CYSLTR2: variants seen among roughly 807,000 people sequenced by gnomAD.
CYSLTR2 encodes cysteinyl leukotriene receptor 2.
For synonymous variants in CYSLTR2, 179 were observed against 160.8 expected, an observed-to-expected ratio of 1.11 and a Z score of -0.86; for missense variants, 398 against 411.9, an observed-to-expected ratio of 0.97 and a Z score of 0.29.
In CYSLTR2 at chr13:48,710,648, G is replaced by A. The variant is rs1250875571; in HGVS notation, c.*2790G>A. 6.6e-6 allele frequency: 1 copy of A among 152,232 alleles called. No individual in the cohort carries two copies. Among genetic ancestry groups the A allele is most frequent in the Non-Finnish European group, 1.5e-5 (1 of 68,036 alleles). The allele number at this position is 152,232 out of a possible 1,614,324, so 9.4% of individuals were successfully genotyped here. A position where few individuals can be genotyped will look rare whatever the true frequency, so the allele number is the denominator to read the frequency against. On this transcript the variant is annotated 3_prime_UTR_variant, in exon 5 of 5. Transcript: ENST00000682523. Reference sequence around the variant, plus strand: ...CTGTAAAATTGTGAAGAAGGCAAAAGAAATTTGTGCTAGTTTTGCTGTTGC... The same window carrying A: ...CTGTAAAATTGTGAAGAAGGCAAAAAAAATTTGTGCTAGTTTTGCTGTTGC...
In CYSLTR2 at chr13:48,709,638, T is replaced by A. The variant is rs1411175526; in HGVS notation, c.*1780T>A. 6.6e-6 allele frequency: 1 copy of A among 152,140 alleles called. No individual in the cohort carries two copies. The highest frequency in any genetic ancestry group is 2.4e-5 in the African/African-American group (1 of 41,438). 9.4% of individuals were successfully genotyped at this position (152,140 alleles called of 1,614,324 possible). A position where few individuals can be genotyped will look rare whatever the true frequency, so the allele number is the denominator to read the frequency against. ...CCTCATTCTTAATTATGAAAAGTAG[T>A]CAATGAACACAATACATTTGAGGGA... On this transcript the variant is annotated 3_prime_UTR_variant, in exon 5 of 5. Transcript: ENST00000682523.
intron 1 of CYSLTR2, among the ~76,000 whole-genome samples, chr13:48,672,639 A>G (rs1953471120): frequency 3.1e-5 from 3 of 96,864 alleles, no homozygotes; most frequent in Non-Finnish European, 7.1e-5. Flanking sequence ...TTTTTTTGAG[A>G]CAGAATCTTG....
At chr13:48,702,373 C>T (rs929018177) in intron 4 of CYSLTR2, among the ~76,000 whole-genome samples, 150 of 152,146 alleles carry the variant, frequency 9.9e-4, no homozygotes, top group African/African-American at 3.5e-3. Context: ...CAAAACTGCA[C>T]GTTGTGCACA....
rs376869071 is a variant in CYSLTR2, at chr13:48,658,076, T to A, written c.-266+4059T>A. Reference sequence around the variant, plus strand: ...TCCTTTGTAAATTCACTGAGAGATATGAAGGTGACTCCCTTTTAGTTGTAA... The same window carrying A: ...TCCTTTGTAAATTCACTGAGAGATAAGAAGGTGACTCCCTTTTAGTTGTAA... On this transcript the variant is annotated intron_variant, in intron 1 of 4. Coordinates refer to ENST00000682523, the MANE Select transcript of CYSLTR2 (RefSeq NM_001308476.3). Among the ~76,000 whole-genome samples, 33 of 152,286 alleles carry A rather than the reference T, an allele frequency of 2.2e-4. No homozygotes were observed. The East Asian group carries it at 5.0e-3, about 23-fold the overall frequency.
Position 48,700,665 on chromosome 13 carries a change from A to C in CYSLTR2, c.-2+4039A>C, listed in dbSNP as rs1954317000. On this transcript the variant is annotated intron_variant, in intron 4 of 4. Coordinates refer to ENST00000682523, the MANE Select transcript of CYSLTR2 (RefSeq NM_001308476.3). Reference sequence around the variant, plus strand: ...CAACATAGTGTTGGACGTTCTGGCCAGGGCAATCAGGCAAGAGAAAGAAAT... The same window carrying C: ...CAACATAGTGTTGGACGTTCTGGCCCGGGCAATCAGGCAAGAGAAAGAAAT... Among the ~76,000 whole-genome samples, 3 of 152,350 alleles carry C rather than the reference A, an allele frequency of 2.0e-5. No homozygotes were observed. In the East Asian group the frequency reaches 5.8e-4, roughly 29 times the overall value.
At chr13:48,666,529 C>G (rs1953265469) in intron 1 of CYSLTR2, among the ~76,000 whole-genome samples, 2 of 152,242 alleles carry the variant, frequency 1.3e-5, no homozygotes, top group South Asian at 4.1e-4. Context: ...CTGAAACACC[C>G]ATAATATGAG....
At chr13:48,690,812 T>C (rs1954019022) in intron 1 of CYSLTR2, among the ~76,000 whole-genome samples, 1 of 152,200 alleles carries the variant, frequency 6.6e-6, no homozygotes, top group Non-Finnish European at 1.5e-5. Flanking sequence ...TTGTTTGGAA[T>C]AGATTCAGAA....
chr13:48,673,433 C>CTTTTTT lies in CYSLTR2; in HGVS notation c.-265-17759_-265-17754dup, dbSNP rs61699943. 1.9e-3 allele frequency among the ~76,000 whole-genome samples: 91 copies of CTTTTTT among 48,324 alleles called. 1 individual carries two copies. Among genetic ancestry groups the CTTTTTT allele is most frequent in the East Asian group, 4.2e-3 (5 of 1,178 alleles). The allele number at this position is 48,324 out of a possible 152,430, so 31.7% of individuals were successfully genotyped here. ...TCAGAGACTAGGATTGTAACCCCGG[C>CTTTTTT]TTTTTTTTTTTTTTTTTTTTTTTTT... On this transcript the variant is annotated intron_variant, in intron 1 of 4. Coordinates refer to ENST00000682523, the MANE Select transcript of CYSLTR2 (RefSeq NM_001308476.3).
intron 1 of CYSLTR2, among the ~76,000 whole-genome samples, chr13:48,657,790 C>T (rs779881150): frequency 6.6e-6 from 1 of 150,686 alleles, no homozygotes; most frequent in Non-Finnish European, 1.5e-5. Context: ...ATCCTAGATT[C>T]TTTTTTCTCT....
intron 1 of CYSLTR2, among the ~76,000 whole-genome samples, chr13:48,672,589 TTGAG>T (rs145851946): frequency 0.089 from 12,026 of 135,362 alleles, 407 homozygotes; most frequent in East Asian, 0.13. Flanking sequence ...TTGTGTGGTT[TTGAG>T]TGAGTTTCTT....
intron 4 of CYSLTR2, among the ~76,000 whole-genome samples, chr13:48,697,987 G>GA: frequency 6.6e-6 from 1 of 152,078 alleles, no homozygotes. Flanking sequence ...AAAAAGAAAT[G>GA]AAAAAAGCCT....
chr13:48,689,558 GT>G (rs1231388465), intron 1 of CYSLTR2, among the ~76,000 whole-genome samples: 1 of 152,090 alleles, frequency 6.6e-6, no homozygotes, highest in African/African-American at 2.4e-5. Context: ...AGATCAGATG[GT>G]TGTAGATGTG....
chr13:48,672,094 C>T (rs566310030), intron 1 of CYSLTR2, among the ~76,000 whole-genome samples: 14 of 152,078 alleles, frequency 9.2e-5, no homozygotes, highest in South Asian at 4.1e-4. Flanking sequence ...CATTCTCTGA[C>T]GGTAGTTTGT....
At chr13:48,675,214 G>A (rs1953561154) in intron 1 of CYSLTR2, among the ~76,000 whole-genome samples, 3 of 152,206 alleles carry the variant, frequency 2.0e-5, no homozygotes, top group Admixed American at 2.0e-4. Flanking sequence ...AGGCAGGAAC[G>A]TTTAAGTCTG....
intron 3 of CYSLTR2, among the ~76,000 whole-genome samples, chr13:48,694,097 C>T (rs1225479582): frequency 6.6e-6 from 1 of 152,144 alleles, no homozygotes; most frequent in Non-Finnish European, 1.5e-5. Context: ...AAGGGTGGCA[C>T]TTGTCTGACC....
At chr13:48,672,865 C>T (rs1326874519) in intron 1 of CYSLTR2, among the ~76,000 whole-genome samples, 2 of 152,094 alleles carry the variant, frequency 1.3e-5, no homozygotes, top group Admixed American at 6.6e-5. Flanking sequence ...ATCTGCCTGC[C>T]TTGGCCTCCC....
chr13:48,678,374 C>A (rs1341641378), intron 1 of CYSLTR2, among the ~76,000 whole-genome samples: 1 of 152,062 alleles, frequency 6.6e-6, no homozygotes, highest in East Asian at 1.9e-4. Flanking sequence ...CTCCTTAAAG[C>A]AAGTCTTGGC....
chr13:48,668,352 A>T (rs1953322240), intron 1 of CYSLTR2, among the ~76,000 whole-genome samples: 1 of 152,066 alleles, frequency 6.6e-6, no homozygotes, highest in Non-Finnish European at 1.5e-5. Context: ...TTGCAGGTTG[A>T]GGAAGAGGGG....
intron 4 of CYSLTR2, among the ~76,000 whole-genome samples, chr13:48,701,785 A>C (rs1331116136): frequency 6.6e-6 from 1 of 152,216 alleles, no homozygotes; most frequent in African/African-American, 2.4e-5. Flanking sequence ...GGATGTGGAG[A>C]AATAGGAACG....
Sources: gnomAD v4.1 joint callset for allele counts (sites outside exome capture counted in the v4.1 genomes callset) on GRCh38, gnomAD v4.1.1 for gene constraint, MANE v1.5 for transcripts, NCBI Gene and HGNC (gene_info 2026-07-23, HGNC 2026-07-21) for gene names.